The following CFAP210 variants were observed in gnomAD, a reference collection of about 807,000 sequenced individuals.
CFAP210 encodes cilia and flagella associated protein 210.
chr2:169,657,355 G>C, the CFAP210 span, among the ~76,000 whole-genome samples: 1 of 152,126 alleles, frequency 6.6e-6, no homozygotes, highest in African/African-American at 2.4e-5. Flanking sequence ...AGGCACATCT[G>C]TAAAATTTTG....
At chr2:169,685,311 G>A in the CFAP210 span, among the ~76,000 whole-genome samples, 1 of 152,118 alleles carries the variant, frequency 6.6e-6, no homozygotes, top group Admixed American at 6.5e-5. Context: ...CTAGTGGGTG[G>A]GAAGTAGTAT....
At chr2:169,649,187 G>A in the CFAP210 span, 16 of 1,604,456 alleles carry the variant, frequency 1.0e-5, no homozygotes, top group South Asian at 1.7e-4. Flanking sequence ...ATTACCATTT[G>A]CTGAATATGG....
the CFAP210 span, among the ~76,000 whole-genome samples, chr2:169,689,396 G>T: frequency 6.6e-6 from 1 of 152,050 alleles, no homozygotes; most frequent in Non-Finnish European, 1.5e-5. Context: ...ATTGTAAATG[G>T]AATTGTTTTC....
At chr2:169,655,280 G>C in the CFAP210 span, among the ~76,000 whole-genome samples, 2 of 152,072 alleles carry the variant, frequency 1.3e-5, no homozygotes, top group Non-Finnish European at 2.9e-5. Context: ...CTACAGGCAC[G>C]AGCCACCGTG....
At chr2:169,660,016 GT>G in the CFAP210 span, among the ~76,000 whole-genome samples, 6 of 151,716 alleles carry the variant, frequency 4.0e-5, no homozygotes, top group Non-Finnish European at 8.8e-5. Context: ...TCATCTCTGA[GT>G]TTTTTTATTC....
the CFAP210 span, among the ~76,000 whole-genome samples, chr2:169,690,735 G>A: frequency 2.0e-5 from 3 of 151,094 alleles, no homozygotes; most frequent in East Asian, 5.8e-4. Flanking sequence ...TGCTGCCCCT[G>A]GACTCCATAA....
At chr2:169,671,111 C>A in the CFAP210 span, among the ~76,000 whole-genome samples, 894 of 152,290 alleles carry the variant, frequency 5.9e-3, 8 homozygotes, top group African/African-American at 0.02. Context: ...ACATGACCTA[C>A]AAAAGACACC....
At chr2:169,693,686 C>T in the CFAP210 span, among the ~76,000 whole-genome samples, 1 of 152,120 alleles carries the variant, frequency 6.6e-6, no homozygotes, top group Non-Finnish European at 1.5e-5. Flanking sequence ...AACAGGTCAC[C>T]TGAATTACAG....
the CFAP210 span, among the ~76,000 whole-genome samples, chr2:169,690,831 T>C: frequency 1.3e-5 from 2 of 152,224 alleles, no homozygotes; most frequent in Non-Finnish European, 2.9e-5. Context: ...AGATTTTCTC[T>C]GTCTTTAGCT....
At chr2:169,657,802 CT>C in the CFAP210 span, among the ~76,000 whole-genome samples, 1 of 152,054 alleles carries the variant, frequency 6.6e-6, no homozygotes, top group Admixed American at 6.6e-5. Flanking sequence ...TGGCATCATA[CT>C]TTTCAGTAGC....
the CFAP210 span, chr2:169,659,376 T>C: frequency 6.4e-6 from 1 of 155,466 alleles, no homozygotes; most frequent in Non-Finnish European, 1.4e-5. Flanking sequence ...CCACAGGTTG[T>C]ACAGGAAGCA....
At chr2:169,661,424 C>G in the CFAP210 span, 3 of 359,692 alleles carry the variant, frequency 8.3e-6, no homozygotes, top group Non-Finnish European at 1.1e-5. Context: ...CTCTCAGCCC[C>G]TCTCCTCTGC....
At chr2:169,652,994 C>T in the CFAP210 span, among the ~76,000 whole-genome samples, 5 of 45,918 alleles carry the variant, frequency 1.1e-4, no homozygotes, top group Admixed American at 7.6e-4. Context: ...AGCAAGACTC[C>T]GTCTCAAAAA....
At chr2:169,669,279 C>T in the CFAP210 span, among the ~76,000 whole-genome samples, 1 of 152,056 alleles carries the variant, frequency 6.6e-6, no homozygotes, top group Non-Finnish European at 1.5e-5. Context: ...GGCATCATAA[C>T]TAAGAGGAAG....
chr2:169,670,056 A>T, the CFAP210 span, among the ~76,000 whole-genome samples: 2 of 152,130 alleles, frequency 1.3e-5, no homozygotes, highest in Admixed American at 1.3e-4. Flanking sequence ...CTATCCTATG[A>T]CCATTTTTTC....
the CFAP210 span, among the ~76,000 whole-genome samples, chr2:169,660,261 G>A: frequency 3.6e-4 from 55 of 151,548 alleles, no homozygotes; most frequent in Non-Finnish European, 6.2e-4. Context: ...GTGGTGGTGC[G>A]TGCCTGTAAT....
chr2:169,664,550 A>C, the CFAP210 span, among the ~76,000 whole-genome samples: 1 of 152,238 alleles, frequency 6.6e-6, no homozygotes, highest in Admixed American at 6.5e-5. Flanking sequence ...GGGTAGTTTG[A>C]ATAGACTTGT....
chr2:169,679,754 T>A, the CFAP210 span, among the ~76,000 whole-genome samples: 1 of 151,264 alleles, frequency 6.6e-6, no homozygotes, highest in Non-Finnish European at 1.5e-5. Flanking sequence ...ACTCAGCATT[T>A]ACCTCCCACC....
the CFAP210 span, among the ~76,000 whole-genome samples, chr2:169,682,232 G>T: frequency 6.6e-6 from 1 of 152,088 alleles, no homozygotes. Flanking sequence ...AGGCAGAAAA[G>T]GAATTAATTA....
Sources: allele counts gnomAD v4.1 joint callset (sites outside exome capture counted in the v4.1 genomes callset), GRCh38; gene constraint gnomAD v4.1.1; transcripts MANE v1.5; gene names NCBI Gene and HGNC (gene_info 2026-07-23, HGNC 2026-07-21).